The following CACNA1C variants were observed in gnomAD, a reference collection of about 807,000 sequenced individuals.
CACNA1C encodes the protein voltage-dependent L-type calcium channel subunit alpha-1C.
Under a neutral mutation model 229.0 loss-of-function variants are expected in CACNA1C, and 30 were observed. The ratio of observed to expected loss-of-function variants is 0.13; its 90% CI spans 0.10 to 0.18. CACNA1C has a LOEUF of 0.18. Among genes scored for constraint, CACNA1C ranks in the 10% least tolerant of loss-of-function variants. The pLI, the probability that CACNA1C is intolerant of heterozygous loss-of-function variation, is 1.00. For synonymous variants in CACNA1C, 1,114 were observed against 1,132.5 expected (o/e 0.98, Z 0.33); for missense variants, 1,658 against 2,845.0 (o/e 0.58, Z 9.49).
intron 38 of CACNA1C, 119 bp from the exon 39 acceptor site, chr12:2,674,422 A>C: frequency 7.2e-7 from 1 of 1,387,418 alleles, no homozygotes; most frequent in Non-Finnish European, 9.6e-7. Flanking sequence ...GCAAGAAAGA[A>C]ACTGATGAGT....
chr12:2,223,731 G>T lies in CACNA1C; in HGVS notation c.477+103301G>T, dbSNP rs186843700. Among the ~76,000 whole-genome samples the T allele has an allele frequency of 4.1e-3, 621 of 152,204 alleles. 12 individuals are homozygous for T. The highest frequency in any genetic ancestry group is 0.032 in the South Asian group (156 of 4,818). On this transcript the variant is annotated intron_variant, in intron 3 of 46. Coordinates refer to ENST00000399655, the MANE Select transcript of CACNA1C (RefSeq NM_000719.7). The stretch of plus-strand genomic sequence containing the variant: ...TTGTTTTGCCAGTGCTATTGGATTT[G>T]AATTCAATTGTACCCTACGTACATT...
chr12:2,463,404 T>C (rs1467135767), intron 5 of CACNA1C, among the ~76,000 whole-genome samples: 2 of 152,186 alleles, frequency 1.3e-5, no homozygotes, highest in African/African-American at 4.8e-5. Context: ...GTGAGTCAGA[T>C]GCTAAGTGTG....
intron 3 of CACNA1C, among the ~76,000 whole-genome samples, chr12:2,369,473 A>C (rs146372100): frequency 0.012 from 1,823 of 147,666 alleles, 46 homozygotes; most frequent in African/African-American, 0.042. Context: ...ATCTTGGCTC[A>C]CTGCATCCCC....
At position 2,214,954 on chromosome 12, in the gene CACNA1C, C is replaced by T. The variant is rs541894512; in HGVS notation, c.477+94524C>T. ...AGAGAAGAGGAGTGTTCAGTGTCTT[C>T]TCCCCACGTCCCCTTTCCCCCAGCG... is the stretch of plus-strand genomic sequence containing the variant. On this transcript the variant is annotated intron_variant, in intron 3 of 46. Transcript: ENST00000399655. Among the ~76,000 whole-genome samples the T allele has an allele frequency of 4.6e-5, 7 of 152,206 alleles. No homozygotes were observed. In the South Asian group the frequency reaches 1.5e-3, roughly 32 times the overall value.
intron 8 of CACNA1C, among the ~76,000 whole-genome samples, chr12:2,508,433 C>T (rs754988947): frequency 6.6e-6 from 1 of 152,168 alleles, no homozygotes; most frequent in African/African-American, 2.4e-5. Flanking sequence ...GAGAATCATG[C>T]GAAGCTAGGA....
At chr12:2,368,018 A>G (rs886366174) in intron 3 of CACNA1C, among the ~76,000 whole-genome samples, 1 of 152,238 alleles carries the variant, frequency 6.6e-6, no homozygotes, top group Non-Finnish European at 1.5e-5. Context: ...TAGGTAAGAC[A>G]CAGCCAATGA....
intron 3 of CACNA1C, among the ~76,000 whole-genome samples, chr12:2,205,711 T>G (rs2097735729): frequency 6.6e-6 from 1 of 152,142 alleles, no homozygotes; most frequent in African/African-American, 2.4e-5. Flanking sequence ...CATCTTAGTT[T>G]GCTCAGGCTC....
chr12:2,292,453 C>T (rs1052660446), intron 3 of CACNA1C, among the ~76,000 whole-genome samples: 2 of 152,206 alleles, frequency 1.3e-5, no homozygotes, highest in African/African-American at 4.8e-5. Flanking sequence ...TACCATTTTT[C>T]AGCCCTTTCA....
chr12:2,432,609 C>T (rs1373045032), intron 3 of CACNA1C, among the ~76,000 whole-genome samples: 1 of 152,162 alleles, frequency 6.6e-6, no homozygotes, highest in African/African-American at 2.4e-5. Context: ...GACACAGGTG[C>T]AAGTCCAGAT....
At chr12:2,624,411 G>C (rs892877282) in intron 29 of CACNA1C, among the ~76,000 whole-genome samples, 1 of 152,208 alleles carries the variant, frequency 6.6e-6, no homozygotes, top group Admixed American at 6.5e-5. Flanking sequence ...CACTGATAGT[G>C]GGGGAGTCTT....
intron 3 of CACNA1C, among the ~76,000 whole-genome samples, chr12:2,164,374 T>C (rs2096095072): frequency 6.6e-6 from 1 of 152,202 alleles, no homozygotes; most frequent in South Asian, 2.1e-4. Context: ...GACCAGGTTT[T>C]GTTGCCAGGG....
chr12:2,554,563 C>T (rs1369892739), intron 10 of CACNA1C, among the ~76,000 whole-genome samples: 1 of 152,158 alleles, frequency 6.6e-6, no homozygotes, highest in East Asian at 1.9e-4. Context: ...AGTGAACCGG[C>T]CTAGGGTGTG....
At position 2,646,151 on chromosome 12, in the gene CACNA1C, A is replaced by C. The variant is rs116266066; in HGVS notation, c.3913-2324A>C. On this transcript the variant is annotated intron_variant, in intron 30 of 46. Transcript: ENST00000399655. The surrounding 1 kb of genome is among the most constrained non-coding windows in gnomAD (Gnocchi z 4.6). ...CTTGAAGTGAAATATGACTTAAATA[A>C]ATGAGGTCTTAAATGGGAGCTATAA... 4.7e-3 allele frequency among the ~76,000 whole-genome samples: 723 copies of C among 152,358 alleles called. 5 individuals are homozygous for C. Among genetic ancestry groups the C allele is most frequent in the African/African-American group, 0.016 (671 of 41,580 alleles).
intron 3 of CACNA1C, among the ~76,000 whole-genome samples, chr12:2,385,804 A>G (rs1305098206): frequency 6.6e-6 from 1 of 152,174 alleles, no homozygotes; most frequent in Non-Finnish European, 1.5e-5. Flanking sequence ...ATCACCTGGG[A>G]TCTTTTTAAA....
intron 9 of CACNA1C, among the ~76,000 whole-genome samples, chr12:2,535,617 G>A (rs1482746589): frequency 1.3e-5 from 2 of 148,400 alleles, no homozygotes; most frequent in Non-Finnish European, 3.0e-5. Flanking sequence ...GAGGCAGGAG[G>A]GTCACTTGAA....
intron 43 of CACNA1C, among the ~76,000 whole-genome samples, chr12:2,683,377 CACATCCACAGAAGTTTGAGACACAGAGTG>C (rs1252764314): frequency 2.0e-5 from 3 of 152,324 alleles, no homozygotes; most frequent in Admixed American, 6.5e-5. Flanking sequence ...GACTCTGAGT[CACATCCACAGAAGTTTGAGACACAGAGTG>C]ACATCCACAG....
At chr12:2,118,779 C>T (rs186510514) in intron 2 of CACNA1C, among the ~76,000 whole-genome samples, 7 of 152,284 alleles carry the variant, frequency 4.6e-5, no homozygotes, top group East Asian at 1.9e-4. Context: ...AAGCTTAGTC[C>T]GTCTGGGTTC....
At chr12:2,061,882 CTT>C (rs1173011617) in intron 1 of CACNA1C, among the ~76,000 whole-genome samples, 1 of 152,120 alleles carries the variant, frequency 6.6e-6, no homozygotes, top group African/African-American at 2.4e-5. Flanking sequence ...GGAAAATAAA[CTT>C]ATTTATTTTT....
intron 3 of CACNA1C, among the ~76,000 whole-genome samples, chr12:2,323,100 G>A (rs148380925): frequency 9.9e-5 from 15 of 151,900 alleles, no homozygotes; most frequent in African/African-American, 2.4e-4. Flanking sequence ...CTCCCTCCCC[G>A]CCTTCCTCCT....
Sources: allele counts gnomAD v4.1 joint callset (sites outside exome capture counted in the v4.1 genomes callset), GRCh38; gene constraint gnomAD v4.1.1; non-coding constraint Gnocchi (gnomAD v3.1); transcripts MANE v1.5; gene names NCBI Gene and HGNC (gene_info 2026-07-23, HGNC 2026-07-21).